RICTOR: variants seen among roughly 807,000 people sequenced by gnomAD.
The protein encoded by RICTOR is rapamycin-insensitive companion of mTOR.
In RICTOR, 49 loss-of-function variants were observed where a neutral mutation model predicts 214.9. That is an observed-to-expected ratio of 0.23 (90% CI 0.18 to 0.29). The LOEUF is 0.29. Ranked by LOEUF, RICTOR falls within the 10% of genes least tolerant of loss-of-function variation. The pLI, the probability that RICTOR is intolerant of heterozygous loss-of-function variation, is 1.00. For missense variants in RICTOR, 1,625 were observed against 2,047.0 expected (o/e 0.79, Z 3.98); for synonymous variants, 717 against 711.3 (o/e 1.01, Z -0.13).
At position 39,003,563 on chromosome 5, in the gene RICTOR, T is replaced by G. The variant is rs1274073590; in HGVS notation, c.255A>C (p.Ile85=). The G allele has an allele frequency of 6.2e-7, 1 of 1,602,182 alleles. No homozygotes were observed. The highest frequency in any genetic ancestry group is 8.5e-7 in the Non-Finnish European group (1 of 1,171,070). The change falls in exon 4 of 38, where the codon ATA becomes ATC. Residue 85 remains isoleucine (I), a synonymous_variant. Coordinates refer to ENST00000357387, the MANE Select transcript of RICTOR (RefSeq NM_152756.5). The part of the protein sequence containing the change: ...EKLGFHYEDI[I]ICLRLALLNE... ...GGGGAATGAACCACACTTACCAAAT[T>G]ATGATATCCTCATAGTGAAAGCCCA...
Position 38,950,000 on chromosome 5 carries a change from T to A in RICTOR, c.3848A>T (p.Asn1283Ile). ...ACCTGGAGGCACCAGGGACACCGAA[T>A]TTGATTTGGAGAGAGACAGATGGTT... ...QSNHLSLSKS[N>I]SVSLVPPGSS... is the part of the protein sequence containing the mutation. The change falls in exon 31 of 38, where the codon AAT becomes ATT. Residue 1283 changes from asparagine to isoleucine, a missense_variant. By Grantham distance (149) the Asn-to-Ile change is moderately radical. Transcript: ENST00000357387. 4 of 1,613,426 alleles carry A rather than the reference T, an allele frequency of 2.5e-6. No individual in the cohort carries two copies. Among genetic ancestry groups the A allele is most frequent in the Non-Finnish European group, 3.4e-6 (4 of 1,179,590 alleles).
chr5:39,005,584 G>A (rs1753993568), intron 3 of RICTOR, among the ~76,000 whole-genome samples: 1 of 152,078 alleles, frequency 6.6e-6, no homozygotes, highest in African/African-American at 2.4e-5. Context: ...AGTTGTTACT[G>A]AAAATAGGTT....
intron 3 of RICTOR, among the ~76,000 whole-genome samples, chr5:39,005,224 T>C (rs981840430): frequency 1.3e-5 from 2 of 152,256 alleles, no homozygotes; most frequent in East Asian, 3.8e-4. Context: ...GATCTACTTC[T>C]GCAGTTTTGA....
intron 2 of RICTOR, among the ~76,000 whole-genome samples, chr5:39,041,685 A>G (rs1354797274): frequency 6.6e-6 from 1 of 152,304 alleles, no homozygotes; most frequent in East Asian, 1.9e-4. Flanking sequence ...GGAATCCTAG[A>G]GCAAGTACAG....
At chr5:39,005,321 T>C (rs1042124874) in intron 3 of RICTOR, among the ~76,000 whole-genome samples, 1 of 152,164 alleles carries the variant, frequency 6.6e-6, no homozygotes, top group Admixed American at 6.5e-5. Context: ...GATCTTCTCA[T>C]GTGTATCACA....
chr5:38,991,210 A>G (rs958274789), intron 6 of RICTOR, 135 bp from the exon 7 acceptor site: 7 of 472,116 alleles, frequency 1.5e-5, no homozygotes, highest in African/African-American at 1.4e-4. Flanking sequence ...TCTTTTGCTT[A>G]TGGATATTTC....
Position 38,950,094 on chromosome 5 carries a change from A to G in RICTOR, c.3754T>C (p.Cys1252Arg). 1 of 1,612,674 alleles carries G rather than the reference A, an allele frequency of 6.2e-7. No homozygotes were observed. The highest frequency in any genetic ancestry group is 2.2e-5 in the East Asian group (1 of 44,816). Reference sequence around the variant, plus strand: ...CTTACCACAGTACTCATGCTTCCACAGTCTGTGTCCATAGTTGTAGCATCT... The same window carrying G: ...CTTACCACAGTACTCATGCTTCCACGGTCTGTGTCCATAGTTGTAGCATCT... The part of the protein sequence containing the change: ...GVDATTMDTD[C>R]GSMSTVVSTK... The change falls in exon 31 of 38, where the codon TGT becomes CGT. Residue 1252 changes from cysteine to arginine, a missense_variant. Cys to Arg is a radical substitution (Grantham distance 180). Transcript: ENST00000357387.
intron 8 of RICTOR, 31 bp from the exon 9 acceptor site, chr5:38,978,681 C>T: frequency 8.8e-7 from 1 of 1,132,232 alleles, no homozygotes; most frequent in South Asian, 1.4e-5. Context: ...AGAAAAGAGT[C>T]TTTATTTTAA....
intron 2 of RICTOR, among the ~76,000 whole-genome samples, chr5:39,051,690 C>T (rs10079755): frequency 0.64 from 96,383 of 151,778 alleles, 30,786 homozygotes; most frequent in African/African-American, 0.7. Context: ...GAGGCGGAGG[C>T]TGCAGTGAGC....
intron 2 of RICTOR, among the ~76,000 whole-genome samples, chr5:39,037,186 T>G (rs1371847182): frequency 6.6e-6 from 1 of 152,030 alleles, no homozygotes; most frequent in Non-Finnish European, 1.5e-5. Context: ...CTCAACTACA[T>G]GGAAACTAAA....
intron 31 of RICTOR, 104 bp from the exon 32 acceptor site, chr5:38,947,545 A>G: frequency 1.3e-6 from 1 of 798,484 alleles, no homozygotes; most frequent in Admixed American, 2.6e-5. Context: ...ACAAGTAGCT[A>G]GTCATGTATT....
chr5:39,034,931 C>T (rs1279566948), intron 2 of RICTOR, among the ~76,000 whole-genome samples: 1 of 152,240 alleles, frequency 6.6e-6, no homozygotes, highest in African/African-American at 2.4e-5. Context: ...CCTCTGCAGA[C>T]TTAAATGTCC....
Position 39,032,865 on chromosome 5 carries a change from G to A in RICTOR, c.98-11729C>T, listed in dbSNP as rs924954880. The stretch of plus-strand genomic sequence containing the variant: ...CTAGGTCCCTTTAACCTGGCATGCC[G>A]TTTATTTCTCAACCCAACTTGGGGA... On this transcript the variant is annotated intron_variant, in intron 2 of 37. Coordinates refer to ENST00000357387, the MANE Select transcript of RICTOR (RefSeq NM_152756.5). 2.0e-4 allele frequency among the ~76,000 whole-genome samples: 30 copies of A among 152,166 alleles called. 1 individual carries two copies. Among genetic ancestry groups the A allele is most frequent in the Admixed American group, 9.8e-4 (15 of 15,280 alleles).
chr5:39,018,133 T>C (rs1755104947), intron 3 of RICTOR, among the ~76,000 whole-genome samples: 2 of 152,130 alleles, frequency 1.3e-5, no homozygotes, highest in Admixed American at 1.3e-4. Flanking sequence ...AGTGTTTGCA[T>C]GAATTGGCTG....
chr5:38,965,139 TTA>T (rs1750114083), intron 15 of RICTOR, among the ~76,000 whole-genome samples: 1 of 151,972 alleles, frequency 6.6e-6, no homozygotes, highest in South Asian at 2.1e-4. Flanking sequence ...AGATTCTTTA[TTA>T]TAATATTATG....
rs552849494 is a variant in RICTOR, at chr5:39,000,238, CA to C, written c.392+2296del. ...ATTAATGAATTATAATCATGTAGGA[CA>C]AAAAAAAATACATATCTTACATATA... On this transcript the variant is annotated intron_variant, in intron 5 of 37. Transcript: ENST00000357387. Among the ~76,000 whole-genome samples the C allele has an allele frequency of 1.3e-4, 19 of 148,818 alleles. 1 individual carries two copies. The highest frequency in any genetic ancestry group is 5.9e-4 in the East Asian group (3 of 5,098).
chr5:38,940,430 C>CT lies in RICTOR; in HGVS notation c.*1873dup. ...TTAACCACTATTTGGTCTAGTAACT[C>CT]TGACATTTGGTTCTCTGGAAAGGCA... On this transcript the variant is annotated 3_prime_UTR_variant, in exon 38 of 38. Coordinates refer to ENST00000357387, the MANE Select transcript of RICTOR (RefSeq NM_152756.5). 4.3e-6 allele frequency: 1 copy of CT among 232,664 alleles called. No homozygotes were observed. The allele number at this position is 232,664 out of a possible 1,614,324, so 14.4% of individuals were successfully genotyped here. A position where few individuals can be genotyped will look rare whatever the true frequency, so the allele number is the denominator to read the frequency against.
intron 3 of RICTOR, among the ~76,000 whole-genome samples, chr5:39,020,261 G>A (rs2150134657): frequency 6.6e-6 from 1 of 152,096 alleles, no homozygotes; most frequent in South Asian, 2.1e-4. Flanking sequence ...GGGTTTGAGA[G>A]GACTAACTCC....
intron 7 of RICTOR, among the ~76,000 whole-genome samples, chr5:38,983,149 C>A (rs1345339530): frequency 2.6e-5 from 4 of 152,102 alleles, no homozygotes; most frequent in Admixed American, 6.5e-5. Flanking sequence ...TCATTTCTAC[C>A]CTTATAGATT....
Sources: gnomAD v4.1 joint callset for allele counts (sites outside exome capture counted in the v4.1 genomes callset) on GRCh38, gnomAD v4.1.1 for gene constraint, MANE v1.5 for transcripts, NCBI Gene and HGNC (gene_info 2026-07-23, HGNC 2026-07-21) for gene names.